TCF4: variants seen among roughly 807,000 people sequenced by gnomAD.
The protein encoded by TCF4 is SL3-3 enhancer factor 2.
TCF4 carries 3 observed loss-of-function variants against 82.1 expected under a neutral mutation model. The observed-to-expected ratio is 0.04, with a 90% CI of 0.02 to 0.09. The LOEUF (loss-of-function observed/expected upper bound fraction) is 0.09. Among genes scored for constraint, TCF4 ranks in the 10% least tolerant of loss-of-function variants. TCF4 has a pLI of 1.00. For missense variants in TCF4, 518 were observed against 852.7 expected, an observed-to-expected ratio of 0.61 and a Z score of 4.89; for synonymous variants, 276 against 309.6, an observed-to-expected ratio of 0.89 and a Z score of 1.14.
chr18:55,573,515 C>A (rs1268390646), intron 3 of TCF4, among the ~76,000 whole-genome samples: 1 of 152,212 alleles, frequency 6.6e-6, no homozygotes, highest in African/African-American at 2.4e-5. Flanking sequence ...AGACACAAAT[C>A]TGATTAGCAG....
chr18:55,517,423 A>G (rs1431575866), intron 3 of TCF4, among the ~76,000 whole-genome samples: 1 of 152,086 alleles, frequency 6.6e-6, no homozygotes, highest in African/African-American at 2.4e-5. Context: ...CTCATGAGTG[A>G]CCACCATTGA....
At chr18:55,479,808 A>G (rs2096382096) in intron 3 of TCF4, among the ~76,000 whole-genome samples, 1 of 152,170 alleles carries the variant, frequency 6.6e-6, no homozygotes, top group African/African-American at 2.4e-5. Flanking sequence ...TCCAGCAATT[A>G]GCATACCCTG....
rs2046694702 is a variant in TCF4, at chr18:55,227,115, G to C, written c.*920C>G. The C allele has an allele frequency of 6.6e-6, 1 of 152,328 alleles. No individual in the cohort carries two copies. The highest frequency in any genetic ancestry group is 2.1e-4 in the South Asian group (1 of 4,824). 9.4% of individuals were successfully genotyped at this position (152,328 alleles called of 1,614,324 possible). On this transcript the variant is annotated 3_prime_UTR_variant, in exon 20 of 20. Transcript: ENST00000354452. ...AGTCCTGTGTTCCCAAAAGACTGGAGAAACAACTTTCTACTTATTTATGAA... is the reference window on the plus strand; with the variant it reads ...AGTCCTGTGTTCCCAAAAGACTGGACAAACAACTTTCTACTTATTTATGAA...
At chr18:55,495,657 T>A (rs1457530384) in intron 3 of TCF4, 1 of 152,168 alleles carries the variant, frequency 6.6e-6, no homozygotes, top group Non-Finnish European at 1.5e-5. Flanking sequence ...ACTTTGTACA[T>A]TAGTTTCAAT....
At position 55,347,219 on chromosome 18, in the gene TCF4, T is replaced by C. The variant is rs563650011; in HGVS notation, c.549+3140A>G. On this transcript the variant is annotated intron_variant, in intron 8 of 19. Coordinates refer to ENST00000354452, the MANE Select transcript of TCF4 (RefSeq NM_001083962.2). ...CGCAAAAAACGAGGGCTACGAGAAA[T>C]TGGGACGTGACTAAAAAGAGCAACA... 3.3e-5 allele frequency among the ~76,000 whole-genome samples: 5 copies of C among 152,088 alleles called. No homozygotes were observed. The South Asian group carries it at 1.0e-3, about 32-fold the overall frequency.
At chr18:55,305,795 CAA>C (rs1484421826) in intron 8 of TCF4, among the ~76,000 whole-genome samples, 1 of 152,106 alleles carries the variant, frequency 6.6e-6, no homozygotes, top group African/African-American at 2.4e-5. Context: ...TATTTTTAAT[CAA>C]GTGATTCATA....
At position 55,323,397 on chromosome 18, in the gene TCF4, G is replaced by A. The variant is rs76886072; in HGVS notation, c.549+26962C>T. ...GTATTAATAAACAAGGAGGAATAGT[G>A]GTGTTGGTTCCGAGGAGCAAAGCCC... is the stretch of plus-strand genomic sequence containing the variant. On this transcript the variant is annotated intron_variant, in intron 8 of 19. Transcript: ENST00000354452. 9.7e-4 allele frequency among the ~76,000 whole-genome samples: 147 copies of A among 152,220 alleles called. No homozygotes were observed. The East Asian group carries it at 0.028, about 29-fold the overall frequency.
intron 3 of TCF4, among the ~76,000 whole-genome samples, chr18:55,583,206 C>G (rs2097594235): frequency 6.6e-6 from 1 of 152,128 alleles, no homozygotes; most frequent in African/African-American, 2.4e-5. Context: ...CCTGAAAACA[C>G]CATTTCTGGT....
At chr18:55,536,905 A>C (rs658905) in intron 3 of TCF4, among the ~76,000 whole-genome samples, 97,070 of 151,502 alleles carry the variant, frequency 0.64, 31,503 homozygotes, top group East Asian at 0.93. Flanking sequence ...GAGGCCGAGG[A>C]GGGCAGATCA....
At chr18:55,547,694 T>C (rs1055796578) in intron 3 of TCF4, among the ~76,000 whole-genome samples, 1 of 152,236 alleles carries the variant, frequency 6.6e-6, no homozygotes, top group Non-Finnish European at 1.5e-5. Context: ...GTTTGAAACG[T>C]TGTAAGAAAA....
At chr18:55,463,829 G>C (rs2095929510) in intron 4 of TCF4, among the ~76,000 whole-genome samples, 1 of 152,080 alleles carries the variant, frequency 6.6e-6, no homozygotes, top group South Asian at 2.1e-4. Context: ...GTGTCAAATT[G>C]AATAACAGCA....
intron 15 of TCF4, among the ~76,000 whole-genome samples, chr18:55,238,948 A>C (rs1363959573): frequency 6.6e-6 from 1 of 152,154 alleles, no homozygotes; most frequent in Non-Finnish European, 1.5e-5. Context: ...CGGTCCAGAG[A>C]GCTACAAACG....
chr18:55,439,847 C>T (rs1160869952), intron 5 of TCF4, among the ~76,000 whole-genome samples: 3 of 152,166 alleles, frequency 2.0e-5, no homozygotes, highest in East Asian at 1.9e-4. Flanking sequence ...CTCAGCCTCC[C>T]GACTAGCTGG....
rs569136711 is a variant in TCF4 at position 55,395,742 on chromosome 18, C to T, written c.369+7712G>A. Among the ~76,000 whole-genome samples the T allele has an allele frequency of 2.6e-5, 4 of 152,240 alleles. No homozygotes were observed. In the South Asian group the frequency reaches 6.2e-4, roughly 24 times the overall value. On this transcript the variant is annotated intron_variant, in intron 6 of 19. Transcript: ENST00000354452. ...TTATATAATAGCAAACCATATTCTGCCTACATTGCACAAAAAGCAAAGCCA... is the reference window on the plus strand; with the variant it reads ...TTATATAATAGCAAACCATATTCTGTCTACATTGCACAAAAAGCAAAGCCA...
At chr18:55,234,273 G>A (rs937298071) in intron 16 of TCF4, 8 of 573,764 alleles carry the variant, frequency 1.4e-5, no homozygotes, top group Admixed American at 6.2e-5. Flanking sequence ...TGTGGAAATA[G>A]CTAAAATAAA....
chr18:55,347,132 G>A (rs2144653474), intron 8 of TCF4, among the ~76,000 whole-genome samples: 1 of 152,222 alleles, frequency 6.6e-6, no homozygotes, highest in East Asian at 1.9e-4. Flanking sequence ...AGATTCAAGA[G>A]CTTAGACATG....
intron 3 of TCF4, among the ~76,000 whole-genome samples, chr18:55,490,210 A>T (rs1308386454): frequency 6.6e-6 from 1 of 152,174 alleles, no homozygotes; most frequent in Non-Finnish European, 1.5e-5. Context: ...TCAAAATGGG[A>T]TTTCTGCGGT....
intron 13 of TCF4, 142 bp from the exon 14 acceptor site, chr18:55,257,533 A>C: frequency 1.3e-6 from 1 of 783,920 alleles, no homozygotes; most frequent in Non-Finnish European, 2.2e-6. Flanking sequence ...TAAACTTCCC[A>C]TATAAGAATT....
intron 3 of TCF4, among the ~76,000 whole-genome samples, chr18:55,554,382 A>G (rs1178015155): frequency 6.6e-6 from 1 of 152,118 alleles, no homozygotes; most frequent in East Asian, 1.9e-4. Flanking sequence ...ATAAAACACT[A>G]GTTTTATTAA....
Sources: gnomAD v4.1 joint callset for allele counts (sites outside exome capture counted in the v4.1 genomes callset) on GRCh38, gnomAD v4.1.1 for gene constraint, MANE v1.5 for transcripts, NCBI Gene and HGNC (gene_info 2026-07-23, HGNC 2026-07-21) for gene names.